Variants in VAPA observed in about 807,000 individuals in gnomAD.
VAPA encodes the protein vesicle-associated membrane protein-associated protein A.
VAPA carries 6 observed loss-of-function variants against 25.6 expected under a neutral mutation model. The observed-to-expected ratio is 0.23, with a 90% confidence interval of 0.13 to 0.46. The LOEUF (loss-of-function observed/expected upper bound fraction) is 0.46, where lower values mean the gene tolerates loss of function less well. Ranked by LOEUF, VAPA falls within the 20% of genes least tolerant of loss-of-function variation. The pLI, the probability that VAPA is intolerant of heterozygous loss-of-function variation, is 0.99. For synonymous variants in VAPA, 112 were observed against 106.2 expected, an observed-to-expected ratio of 1.05 and a Z score of -0.34; for missense variants, 244 against 302.1, an observed-to-expected ratio of 0.81 and a Z score of 1.43.
At chr18:9,932,974 G>A (rs188701578) in intron 2 of VAPA, among the ~76,000 whole-genome samples, 16 of 152,090 alleles carry the variant, frequency 1.1e-4, no homozygotes, top group Admixed American at 1.0e-3. Context: ...CGGGTGTGGT[G>A]GTGGGCGCCT....
chr18:9,947,827 G>T (rs1308190963), intron 4 of VAPA: 2 of 152,028 alleles, frequency 1.3e-5, no homozygotes, highest in African/African-American at 4.8e-5. Flanking sequence ...TTTCCATCAG[G>T]CTCTTCAGAT....
rs180846048 is a variant in VAPA, at chr18:9,918,795, A to C, written c.79+4460A>C. Among the ~76,000 whole-genome samples, 10 of 152,354 alleles carry C rather than the reference A, an allele frequency of 6.6e-5. No homozygotes were observed. The South Asian group carries it at 1.4e-3, about 22-fold the overall frequency. Reference sequence around the variant, plus strand: ...CCGTCAGTCAAGAGCACATACTCAAACAACTTATTCACTATTTAGATTTGA... The same window carrying C: ...CCGTCAGTCAAGAGCACATACTCAACCAACTTATTCACTATTTAGATTTGA... On this transcript the variant is annotated intron_variant, in intron 1 of 5. Coordinates refer to ENST00000400000, the MANE Select transcript of VAPA (RefSeq NM_194434.3).
intron 4 of VAPA, chr18:9,944,878 CAG>C (rs772536383): frequency 1.3e-6 from 2 of 1,595,374 alleles, no homozygotes; most frequent in South Asian, 2.3e-5. Context: ...CAGAAGAAAT[CAG>C]AGTTCGGTGA....
intron 4 of VAPA, among the ~76,000 whole-genome samples, chr18:9,946,688 A>G (rs558477093): frequency 6.6e-6 from 1 of 152,090 alleles, no homozygotes; most frequent in Admixed American, 6.6e-5. Context: ...CAGAACTGGA[A>G]GTTGTTTTGG....
chr18:9,931,759 G>T, intron 1 of VAPA, 51 bp from the exon 2 acceptor site: 1 of 1,507,710 alleles, frequency 6.6e-7, no homozygotes, highest in Non-Finnish European at 9.0e-7. Flanking sequence ...ATCCTTCGTT[G>T]TTGAGAATCC....
At chr18:9,916,467 GC>G (rs2069113022) in intron 1 of VAPA, among the ~76,000 whole-genome samples, 1 of 152,300 alleles carries the variant, frequency 6.6e-6, no homozygotes, top group African/African-American at 2.4e-5. Flanking sequence ...GGAGGTTTAG[GC>G]CAAGAGAGTG....
chr18:9,919,127 CCTG>C (rs1294284057), intron 1 of VAPA, among the ~76,000 whole-genome samples: 1 of 152,214 alleles, frequency 6.6e-6, no homozygotes, highest in Non-Finnish European at 1.5e-5. Context: ...GCGTGATCCT[CCTG>C]CCTTGGCCTC....
At chr18:9,949,320 A>G (rs756946808) in intron 4 of VAPA, 21 of 152,340 alleles carry the variant, frequency 1.4e-4, no homozygotes, top group Non-Finnish European at 2.8e-4. Flanking sequence ...GCTGTTGTTC[A>G]TTAGAACCTC....
chr18:9,932,071 T>C, intron 2 of VAPA, 109 bp downstream of exon 2: 1 of 821,714 alleles, frequency 1.2e-6, no homozygotes. Flanking sequence ...TCTTATATTA[T>C]TCTGGTTTTG....
Position 9,931,958 on chromosome 18 carries a change from T to G in VAPA, c.228T>G (p.Val76=). ...GIIDPGSTVT[V]SVMLQPFDYD... is the part of the protein sequence containing the mutation. Reference sequence around the variant, plus strand: ...TTGACCCAGGGTCAACTGTGACTGTTTCAGGTAGCAAATCATGTTCTGAAT... The same window carrying G: ...TTGACCCAGGGTCAACTGTGACTGTGTCAGGTAGCAAATCATGTTCTGAAT... Residue 76 remains valine, a synonymous_variant, in exon 2 of 6, where the codon GTT becomes GTG. Coordinates refer to ENST00000400000, the MANE Select transcript of VAPA (RefSeq NM_194434.3). 6.3e-7 allele frequency: 1 copy of G among 1,584,016 alleles called. No individual in the cohort carries two copies. Among genetic ancestry groups the G allele is most frequent in the Non-Finnish European group, 8.6e-7 (1 of 1,165,850 alleles).
At chr18:9,928,315 C>T (rs191395961) in intron 1 of VAPA, among the ~76,000 whole-genome samples, 6 of 151,990 alleles carry the variant, frequency 3.9e-5, no homozygotes, top group South Asian at 4.2e-4. Context: ...TATTGTTTTT[C>T]GTAAATAAAA....
chr18:9,933,857 A>G (rs982010046), intron 2 of VAPA, among the ~76,000 whole-genome samples: 3 of 152,298 alleles, frequency 2.0e-5, no homozygotes, highest in African/African-American at 7.2e-5. Flanking sequence ...AATTATTTCA[A>G]TCCACATGGC....
intron 3 of VAPA, chr18:9,936,464 C>T (rs893050422): frequency 7.6e-6 from 2 of 264,564 alleles, no homozygotes; most frequent in Non-Finnish European, 1.4e-5. Context: ...TAATCCCAGC[C>T]CTTTGGGAGG....
chr18:9,941,878 G>A (rs2069369318), intron 4 of VAPA, among the ~76,000 whole-genome samples: 1 of 152,148 alleles, frequency 6.6e-6, no homozygotes, highest in African/African-American at 2.4e-5. Context: ...TAACAAAAAT[G>A]GTTTGAAAAC....
At chr18:9,940,748 C>T (rs936843302) in intron 4 of VAPA, among the ~76,000 whole-genome samples, 1 of 152,098 alleles carries the variant, frequency 6.6e-6, no homozygotes, top group Admixed American at 6.5e-5. Flanking sequence ...GCTCACTGGC[C>T]TCGTCATTAT....
chr18:9,931,652 C>T (rs2069256158), intron 1 of VAPA, 158 bp from the exon 2 acceptor site: 1 of 510,152 alleles, frequency 2.0e-6, no homozygotes, highest in Admixed American at 4.1e-5. Flanking sequence ...TTAAGTCTGC[C>T]ACCTCGAGAA....
intron 2 of VAPA, among the ~76,000 whole-genome samples, chr18:9,934,829 T>C (rs1262416859): frequency 6.6e-6 from 1 of 152,198 alleles, no homozygotes; most frequent in Admixed American, 6.5e-5. Flanking sequence ...TAAAAATTGC[T>C]CACGCCTGTA....
intron 4 of VAPA, among the ~76,000 whole-genome samples, chr18:9,945,716 A>T (rs939912774): frequency 6.6e-6 from 1 of 152,148 alleles, no homozygotes; most frequent in Non-Finnish European, 1.5e-5. Context: ...TGCAGATGAT[A>T]TGCATACTAA....
At chr18:9,920,366 T>C (rs1409232494) in intron 1 of VAPA, among the ~76,000 whole-genome samples, 1 of 152,170 alleles carries the variant, frequency 6.6e-6, no homozygotes, top group African/African-American at 2.4e-5. Flanking sequence ...GCAGTGGCGC[T>C]ATCTCGGCTC....
Sources: gnomAD v4.1 joint callset for allele counts (sites outside exome capture counted in the v4.1 genomes callset) on GRCh38, gnomAD v4.1.1 for gene constraint, MANE v1.5 for transcripts, NCBI Gene and HGNC (gene_info 2026-07-23, HGNC 2026-07-21) for gene names.